XPNPEP1: variants seen among roughly 807,000 people sequenced by gnomAD.
XPNPEP1 encodes the protein xaa-Pro aminopeptidase 1.
XPNPEP1 carries 39 observed loss-of-function variants against 92.4 expected under a neutral mutation model. The observed-to-expected ratio is 0.42, with a 90% confidence interval of 0.33 to 0.55. The LOEUF (loss-of-function observed/expected upper bound fraction) is 0.55, where lower values mean the gene tolerates loss of function less well. Ranked by LOEUF, XPNPEP1 falls within the 20% of genes least tolerant of loss-of-function variation. The pLI is 0.08. For missense variants in XPNPEP1, 654 were observed against 856.1 expected (o/e 0.76, Z 2.95); for synonymous variants, 307 against 299.4 (o/e 1.03, Z -0.26).
intron 14 of XPNPEP1, chr10:109,876,703 G>A (rs1847803635): frequency 6.6e-6 from 1 of 152,238 alleles, no homozygotes; most frequent in Admixed American, 6.5e-5. Context: ...TTATTAAAAG[G>A]GGGAAAAAAG....
intron 1 of XPNPEP1, among the ~76,000 whole-genome samples, chr10:109,920,835 C>T (rs372480963): frequency 1.2e-4 from 18 of 152,212 alleles, no homozygotes; most frequent in East Asian, 3.9e-4. Flanking sequence ...TGTGAGCCAC[C>T]GTGCCTAGCC....
At position 109,907,712 on chromosome 10, in the gene XPNPEP1, G is replaced by A. The variant is rs1007308939; in HGVS notation, c.225C>T (p.Ile75=). Residue 75 remains isoleucine (I), a synonymous_variant, in exon 3 of 21, where the codon ATC becomes ATT. Transcript: ENST00000502935. ...YVTEPIQAYI[I]PSGDAHQSEY... ...GTACCTGATGAGCATCTCCCGATGG[G>A]ATGATGTAGGCCTGGATCGGTTCGG... 3 of 1,614,234 alleles carry A rather than the reference G, an allele frequency of 1.9e-6. No homozygotes were observed. Among genetic ancestry groups the A allele is most frequent in the Non-Finnish European group, 2.5e-6 (3 of 1,180,036 alleles).
At chr10:109,885,190 C>T (rs1848323610) in intron 8 of XPNPEP1, among the ~76,000 whole-genome samples, 2 of 152,102 alleles carry the variant, frequency 1.3e-5, no homozygotes, top group African/African-American at 4.8e-5. Context: ...CTGCAAATAA[C>T]CCAAAGGTCA....
At chr10:109,903,227 C>G (rs917900203) in intron 3 of XPNPEP1, among the ~76,000 whole-genome samples, 3 of 152,164 alleles carry the variant, frequency 2.0e-5, no homozygotes, top group African/African-American at 7.2e-5. Flanking sequence ...TAACCAGAAA[C>G]CTTCAACTCT....
chr10:109,894,399 C>T (rs1420765638), intron 3 of XPNPEP1, among the ~76,000 whole-genome samples: 1 of 151,934 alleles, frequency 6.6e-6, no homozygotes, highest in African/African-American at 2.4e-5. Context: ...GGCATGGTGG[C>T]ACGTGCCTGT....
intron 9 of XPNPEP1, among the ~76,000 whole-genome samples, chr10:109,883,202 C>T (rs773238640): frequency 2.0e-5 from 3 of 152,184 alleles, no homozygotes; most frequent in Non-Finnish European, 4.4e-5. Context: ...TCTGGCCTCA[C>T]TATGTTCTGA....
chr10:109,893,182 A>C (rs1710446902), intron 3 of XPNPEP1, 107 bp from the exon 4 acceptor site: 1 of 1,022,134 alleles, frequency 9.8e-7, no homozygotes, highest in South Asian at 1.5e-5. Context: ...AGACTGGGGA[A>C]TCCTTGGCCC....
In XPNPEP1 at chr10:109,871,779, A is replaced by T. The variant is rs750611175; in HGVS notation, c.1522+13T>A. On this transcript the variant is annotated intron_variant, in intron 17 of 20. Coordinates refer to ENST00000502935, the MANE Select transcript of XPNPEP1 (RefSeq NM_020383.4). Reference sequence around the variant, plus strand: ...GAAAAAGAGCCTGCCATGTGACAGAATGCACCACCTACCTTTGGTTCCAGT... The same window carrying T: ...GAAAAAGAGCCTGCCATGTGACAGATTGCACCACCTACCTTTGGTTCCAGT... 13 of 1,613,296 alleles carry T rather than the reference A, an allele frequency of 8.1e-6. No individual in the cohort carries two copies. The East Asian group carries it at 2.0e-4, about 25-fold the overall frequency.
chr10:109,900,724 C>T (rs1453617751), intron 3 of XPNPEP1, among the ~76,000 whole-genome samples: 1 of 152,130 alleles, frequency 6.6e-6, no homozygotes, highest in Non-Finnish European at 1.5e-5. Flanking sequence ...TTCTCCAACC[C>T]ATACTAAACA....
intron 16 of XPNPEP1, 137 bp from the exon 17 acceptor site, chr10:109,871,998 T>A: frequency 1.2e-6 from 1 of 853,102 alleles, no homozygotes; most frequent in Non-Finnish European, 1.7e-6. Flanking sequence ...AAGAAAAAAA[T>A]CTGGTGGAAA....
intron 2 of XPNPEP1, among the ~76,000 whole-genome samples, chr10:109,908,177 T>G (rs568370061): frequency 1.4e-4 from 21 of 152,338 alleles, no homozygotes; most frequent in African/African-American, 4.3e-4. Flanking sequence ...AAGTGTATGG[T>G]CAGTTAAATA....
At chr10:109,871,683 G>T in intron 17 of XPNPEP1, 109 bp downstream of exon 17, 3 of 1,281,358 alleles carry the variant, frequency 2.3e-6, no homozygotes, top group Non-Finnish European at 3.3e-6. Context: ...CCTGAAGTGG[G>T]ATGGGGACCT....
intron 20 of XPNPEP1, among the ~76,000 whole-genome samples, chr10:109,865,940 C>T (rs879900022): frequency 9.9e-5 from 15 of 152,196 alleles, no homozygotes; most frequent in Non-Finnish European, 1.0e-4. Context: ...GCTGGCAGGA[C>T]TTGGTGCCTG....
Position 109,865,328 on chromosome 10 carries a change from G to A in XPNPEP1, c.1873-16C>T. The A allele has an allele frequency of 1.2e-6, 2 of 1,613,998 alleles. No homozygotes were observed. Among genetic ancestry groups the A allele is most frequent in the Middle Eastern group, 1.7e-4 (1 of 6,004 alleles). On this transcript the variant is annotated splice_polypyrimidine_tract_variant and intron_variant, in intron 20 of 20. Coordinates refer to ENST00000502935, the MANE Select transcript of XPNPEP1 (RefSeq NM_020383.4). ...GCCAGTCGCACTGCAGGGAAGAGAA[G>A]GACAGACACGGTATTCACCACTACA...
chr10:109,882,265 T>C (rs993778932), intron 10 of XPNPEP1, among the ~76,000 whole-genome samples, 167 bp downstream of exon 10: 2 of 152,110 alleles, frequency 1.3e-5, no homozygotes, highest in African/African-American at 2.4e-5. Context: ...CAACAAGCAA[T>C]AAGGGCCCTC....
chr10:109,912,968 T>C (rs1589631381), intron 2 of XPNPEP1, among the ~76,000 whole-genome samples: 1 of 152,350 alleles, frequency 6.6e-6, no homozygotes, highest in East Asian at 1.9e-4. Context: ...GGTGCTGTAT[T>C]ATGACATCTG....
chr10:109,907,307 C>T (rs545422033), intron 3 of XPNPEP1, among the ~76,000 whole-genome samples: 1 of 152,300 alleles, frequency 6.6e-6, no homozygotes, highest in South Asian at 2.1e-4. Context: ...TTTACCCTAC[C>T]GCCCATCAAC....
intron 7 of XPNPEP1, among the ~76,000 whole-genome samples, chr10:109,887,702 G>A (rs1426334766): frequency 6.6e-6 from 1 of 152,200 alleles, no homozygotes; most frequent in Non-Finnish European, 1.5e-5. Context: ...CATAAGAAGG[G>A]AAATGGAACC....
At chr10:109,886,388 C>G (rs375205430) in intron 7 of XPNPEP1, 47 bp from the exon 8 acceptor site, 1 of 1,578,242 alleles carries the variant, frequency 6.3e-7, no homozygotes, top group Non-Finnish European at 8.7e-7. Context: ...TCCCAGAAAG[C>G]AGTAGGAACC....
Sources: gnomAD v4.1 joint callset for allele counts (sites outside exome capture counted in the v4.1 genomes callset) on GRCh38, gnomAD v4.1.1 for gene constraint, MANE v1.5 for transcripts, NCBI Gene and HGNC (gene_info 2026-07-23, HGNC 2026-07-21) for gene names.